Variants in STK3 observed in about 807,000 individuals in gnomAD.
STK3 encodes serine/threonine-protein kinase 3.
A neutral mutation model predicts 58.0 loss-of-function variants in STK3; 41 were observed. That is an observed-to-expected ratio of 0.71 (90% confidence interval 0.55 to 0.92). The LOEUF is 0.92. Ranked by LOEUF, STK3 falls within the 40% of genes least tolerant of loss-of-function variation. STK3 has a pLI of 0.00. For missense variants in STK3, 479 were observed against 602.7 expected, an observed-to-expected ratio of 0.79 and a Z score of 2.15; for synonymous variants, 170 against 191.0, an observed-to-expected ratio of 0.89 and a Z score of 0.91.
chr8:98,779,907 A>AAT (rs1831972932), intron 1 of STK3, among the ~76,000 whole-genome samples: 2 of 148,640 alleles, frequency 1.3e-5, no homozygotes, highest in African/African-American at 5.2e-5. Flanking sequence ...TGAATGAATG[A>AAT]ATATATATAA....
Position 98,646,318 on chromosome 8 carries a change from T to G in STK3, c.685-50149A>C, listed in dbSNP as rs530720958. On this transcript the variant is annotated intron_variant, in intron 6 of 10. Coordinates refer to ENST00000419617, the MANE Select transcript of STK3 (RefSeq NM_006281.4). Reference sequence around the variant, plus strand: ...TGGTTTCAATTTGTACTTGACCTAGTTCCCAGAAAACACCCAGTTTTCCTT... The same window carrying G: ...TGGTTTCAATTTGTACTTGACCTAGGTCCCAGAAAACACCCAGTTTTCCTT... 2.0e-5 allele frequency among the ~76,000 whole-genome samples: 3 copies of G among 152,360 alleles called. No homozygotes were observed. In the East Asian group the frequency reaches 5.8e-4, roughly 29 times the overall value.
intron 6 of STK3, among the ~76,000 whole-genome samples, chr8:98,621,135 A>G (rs1228955141): frequency 6.6e-6 from 1 of 152,002 alleles, no homozygotes; most frequent in South Asian, 2.1e-4. Flanking sequence ...GTATTTTTGT[A>G]TTCACCGTTT....
At chr8:98,885,019 G>A (rs1252054453) in intron 1 of STK3, among the ~76,000 whole-genome samples, 1 of 152,206 alleles carries the variant, frequency 6.6e-6, no homozygotes, top group Non-Finnish European at 1.5e-5. Flanking sequence ...TTGTAAAACA[G>A]ATGAAATAAA....
chr8:98,696,540 T>C (rs1463285461), intron 6 of STK3, among the ~76,000 whole-genome samples: 3 of 152,166 alleles, frequency 2.0e-5, no homozygotes, highest in African/African-American at 7.2e-5. Flanking sequence ...CATCAATACC[T>C]AATTTATGGA....
At chr8:98,601,401 C>T (rs1816335891) in intron 6 of STK3, 1 of 152,032 alleles carries the variant, frequency 6.6e-6, no homozygotes, top group African/African-American at 2.4e-5. Flanking sequence ...TATCATAAAA[C>T]ATGGCTGTAG....
At chr8:98,482,809 A>G (rs1821956438) in intron 10 of STK3, among the ~76,000 whole-genome samples, 1 of 152,090 alleles carries the variant, frequency 6.6e-6, no homozygotes, top group Admixed American at 6.6e-5. Context: ...ATTTCTAAGG[A>G]TAACAGAGTA....
chr8:98,499,255 C>A (rs943449741), intron 10 of STK3, among the ~76,000 whole-genome samples: 24 of 152,170 alleles, frequency 1.6e-4, no homozygotes, highest in African/African-American at 5.3e-4. Flanking sequence ...CCTGCTGAAA[C>A]CCTGATTTAG....
At chr8:98,599,026 A>T (rs758522861) in intron 6 of STK3, 33 of 414,184 alleles carry the variant, frequency 8.0e-5, no homozygotes, top group Non-Finnish European at 9.7e-5. Flanking sequence ...TTATAATCTC[A>T]GTGGAATGAG....
At chr8:98,463,114 G>T (rs1023247325) in intron 10 of STK3, 4 of 152,122 alleles carry the variant, frequency 2.6e-5, no homozygotes, top group African/African-American at 9.7e-5. Context: ...TGCCTTCTAA[G>T]CAGAGGACAT....
chr8:98,681,329 C>T (rs1179153784), intron 6 of STK3, among the ~76,000 whole-genome samples: 2 of 151,850 alleles, frequency 1.3e-5, no homozygotes, highest in Non-Finnish European at 2.9e-5. Flanking sequence ...TCTCTAACCC[C>T]CAAAGCGATT....
chr8:98,665,230 G>T (rs928920841), intron 6 of STK3, among the ~76,000 whole-genome samples: 3 of 152,130 alleles, frequency 2.0e-5, no homozygotes, highest in Admixed American at 2.0e-4. Flanking sequence ...CACAGAGATC[G>T]TATTAGAGAG....
chr8:98,719,600 G>C (rs183607770), intron 4 of STK3, among the ~76,000 whole-genome samples: 91 of 152,278 alleles, frequency 6.0e-4, no homozygotes, highest in African/African-American at 2.1e-3. Context: ...GACTTGAAAG[G>C]GTCATTCCAA....
chr8:98,620,651 A>G (rs1313484876), intron 6 of STK3, among the ~76,000 whole-genome samples: 2 of 151,590 alleles, frequency 1.3e-5, no homozygotes, highest in African/African-American at 4.8e-5. Flanking sequence ...GAAGAACAAA[A>G]ATAAATGCAA....
At chr8:98,785,192 C>A (rs1000209004) in intron 1 of STK3, among the ~76,000 whole-genome samples, 22 of 152,196 alleles carry the variant, frequency 1.4e-4, no homozygotes, top group African/African-American at 4.3e-4. Flanking sequence ...CTGCTTCATG[C>A]CCAGGCATAA....
intron 3 of STK3, among the ~76,000 whole-genome samples, chr8:98,420,074 G>A (rs1335496233): frequency 1.3e-5 from 2 of 152,152 alleles, no homozygotes; most frequent in South Asian, 2.1e-4. Context: ...CCCCTTGTCC[G>A]AGGTTCTACT....
chr8:98,820,300 A>G (rs1834806317), intron 1 of STK3, among the ~76,000 whole-genome samples: 1 of 152,162 alleles, frequency 6.6e-6, no homozygotes, highest in Admixed American at 6.5e-5. Flanking sequence ...TAAAGAACTC[A>G]CCTGTCTTGA....
intron 1 of STK3, among the ~76,000 whole-genome samples, chr8:98,902,220 T>A (rs1838684755): frequency 6.6e-6 from 1 of 152,136 alleles, no homozygotes; most frequent in African/African-American, 2.4e-5. Context: ...ACTTTCCATC[T>A]CCCTAGATGA....
chr8:98,764,549 A>C (rs1830825833), intron 3 of STK3, among the ~76,000 whole-genome samples: 1 of 152,240 alleles, frequency 6.6e-6, no homozygotes, highest in African/African-American at 2.4e-5. Flanking sequence ...CCTTGCTAAA[A>C]GACTAAGTAG....
intron 10 of STK3, among the ~76,000 whole-genome samples, chr8:98,485,037 C>T (rs189818038): frequency 6.6e-5 from 10 of 152,152 alleles, no homozygotes; most frequent in Non-Finnish European, 1.5e-4. Context: ...ATCAGGAGTT[C>T]AAGATCAGCC....
Sources: allele counts gnomAD v4.1 joint callset (sites outside exome capture counted in the v4.1 genomes callset), GRCh38; gene constraint gnomAD v4.1.1; transcripts MANE v1.5; gene names NCBI Gene and HGNC (gene_info 2026-07-23, HGNC 2026-07-21).